The following MYT1L variants were observed in gnomAD, a reference collection of about 807,000 sequenced individuals.
MYT1L encodes myelin transcription factor 1 like.
A neutral mutation model predicts 126.7 loss-of-function variants in MYT1L; 12 were observed. The observed-to-expected ratio is 0.09, with a 90% CI of 0.06 to 0.15. The LOEUF is 0.15. MYT1L is among the 10% of genes least tolerant of loss of function. The pLI is 1.00. For missense variants in MYT1L, 979 were observed against 1,585.2 expected, an observed-to-expected ratio of 0.62 and a Z score of 6.49; for synonymous variants, 541 against 604.2, an observed-to-expected ratio of 0.90 and a Z score of 1.53.
In MYT1L at chr2:1,929,911, A is replaced by G. The variant is rs2054721582; in HGVS notation, c.506-6648T>C. Among the ~76,000 whole-genome samples, 1 of 152,138 alleles carries G rather than the reference A, an allele frequency of 6.6e-6. No individual in the cohort carries two copies. The highest frequency in any genetic ancestry group is 6.5e-5 in the Admixed American group (1 of 15,272). Reference sequence around the variant, plus strand: ...TCAAGCCTTTCCTCTACCTTTCAAAACCGGGACATATTCGGAGGGTCACAA... The same window carrying G: ...TCAAGCCTTTCCTCTACCTTTCAAAGCCGGGACATATTCGGAGGGTCACAA... On this transcript the variant is annotated intron_variant, in intron 9 of 24. Coordinates refer to ENST00000647738, the MANE Select transcript of MYT1L (RefSeq NM_001303052.2). This position sits in a 1 kb window ranked among gnomAD's most constrained non-coding sequence, Gnocchi z 4.7.
chr2:1,812,596 A>C (rs982888516), intron 21 of MYT1L, among the ~76,000 whole-genome samples: 5 of 152,108 alleles, frequency 3.3e-5, no homozygotes, highest in African/African-American at 1.2e-4. Flanking sequence ...GAAGACTCTT[A>C]GCCGGGCGCG....
At chr2:2,145,638 A>T (rs1269393209) in intron 3 of MYT1L, among the ~76,000 whole-genome samples, 2 of 145,052 alleles carry the variant, frequency 1.4e-5, no homozygotes, top group African/African-American at 2.6e-5. Flanking sequence ...ATACACACAC[A>T]CAAGACACAC....
Position 1,887,717 on chromosome 2 carries a change from T to C in MYT1L, c.2521-108A>G. ...GGCCTCTACATCTTACACCTCTTTCTGCTGTACCTTTAAGATCCTTTTGGT... is the reference window on the plus strand; with the variant it reads ...GGCCTCTACATCTTACACCTCTTTCCGCTGTACCTTTAAGATCCTTTTGGT... On this transcript the variant is annotated intron_variant, in intron 16 of 24. Transcript: ENST00000647738. The surrounding 1 kb of genome is among the most constrained non-coding windows in gnomAD (Gnocchi z 4.8). The C allele has an allele frequency of 7.6e-7, 1 of 1,309,784 alleles. No individual in the cohort carries two copies. The allele number at this position is 1,309,784 out of a possible 1,614,324, so 81.1% of individuals were successfully genotyped here. A position where few individuals can be genotyped will look rare whatever the true frequency, so the allele number is the denominator to read the frequency against.
At chr2:2,272,545 T>C (rs1277928699) in intron 2 of MYT1L, among the ~76,000 whole-genome samples, 1 of 152,172 alleles carries the variant, frequency 6.6e-6, no homozygotes, top group African/African-American at 2.4e-5. Flanking sequence ...TACACTTTAG[T>C]GTGTGCATGT....
At chr2:1,972,199 T>A (rs1413798657) in intron 8 of MYT1L, among the ~76,000 whole-genome samples, 1 of 152,214 alleles carries the variant, frequency 6.6e-6, no homozygotes, top group East Asian at 1.9e-4. Flanking sequence ...TACCCCATTG[T>A]ACAGCAGCCA....
chr2:2,232,724 G>A (rs2094190565), intron 2 of MYT1L, among the ~76,000 whole-genome samples: 1 of 152,214 alleles, frequency 6.6e-6, no homozygotes, highest in Non-Finnish European at 1.5e-5. Context: ...TAAGTTTAAG[G>A]ATGATGATAT....
intron 2 of MYT1L, among the ~76,000 whole-genome samples, chr2:2,266,924 G>A (rs779696961): frequency 2.6e-5 from 4 of 152,204 alleles, no homozygotes; most frequent in Non-Finnish European, 5.9e-5. Context: ...TTCCATTAAA[G>A]CTCTTTCCTT....
chr2:2,284,147 A>T lies in MYT1L; in HGVS notation c.-421+257T>A, dbSNP rs567465592. Reference sequence around the variant, plus strand: ...AGTTCATTTATGAAATATTTAGATTATAGGTGATGCTTTCATCAGTATAAA... The same window carrying T: ...AGTTCATTTATGAAATATTTAGATTTTAGGTGATGCTTTCATCAGTATAAA... On this transcript the variant is annotated intron_variant, in intron 2 of 24. Coordinates refer to ENST00000647738, the MANE Select transcript of MYT1L (RefSeq NM_001303052.2). Among the ~76,000 whole-genome samples the T allele has an allele frequency of 2.0e-5, 3 of 152,344 alleles. No individual in the cohort carries two copies. In the East Asian group the frequency reaches 5.8e-4, roughly 29 times the overall value.
chr2:2,153,631 A>C (rs917996897), intron 3 of MYT1L, among the ~76,000 whole-genome samples: 1 of 152,216 alleles, frequency 6.6e-6, no homozygotes, highest in African/African-American at 2.4e-5. Flanking sequence ...GACCATCAAA[A>C]GTAATTTTAA....
chr2:2,181,277 C>T (rs1428672673), intron 2 of MYT1L, among the ~76,000 whole-genome samples: 2 of 151,650 alleles, frequency 1.3e-5, no homozygotes, highest in East Asian at 1.9e-4. Context: ...TGTGTGTACC[C>T]GTGTGCGTGC....
At chr2:2,124,406 C>T (rs2081420826) in intron 3 of MYT1L, among the ~76,000 whole-genome samples, 1 of 152,096 alleles carries the variant, frequency 6.6e-6, no homozygotes, top group Non-Finnish European at 1.5e-5. Context: ...AGTGATTCTC[C>T]TTCCTCAGCC....
At chr2:1,837,887 CTCT>C (rs1380945557) in intron 21 of MYT1L, among the ~76,000 whole-genome samples, 5 of 117,400 alleles carry the variant, frequency 4.3e-5, no homozygotes, top group African/African-American at 2.4e-4. Context: ...ATTTCTCTCT[CTCT>C]TTTTTTTTTT....
At chr2:2,219,374 G>C (rs1280633620) in intron 2 of MYT1L, among the ~76,000 whole-genome samples, 2 of 152,184 alleles carry the variant, frequency 1.3e-5, no homozygotes. Flanking sequence ...GTAAAAAGTA[G>C]AGGTTCTTCT....
Position 2,241,489 on chromosome 2 carries a change from C to T in MYT1L, c.-421+42915G>A, listed in dbSNP as rs138103958. Among the ~76,000 whole-genome samples the T allele has an allele frequency of 2.6e-4, 39 of 152,344 alleles. No individual in the cohort carries two copies. In the East Asian group the frequency reaches 6.7e-3, roughly 26 times the overall value. ...GCTTTATGAGGCCAGGAACTCATTG[C>T]GGCCCTGCAGAAAACTCAGCTGGGA... On this transcript the variant is annotated intron_variant, in intron 2 of 24. Transcript: ENST00000647738.
chr2:1,839,067 C>T, intron 21 of MYT1L, 82 bp downstream of exon 21: 2 of 1,258,744 alleles, frequency 1.6e-6, no homozygotes, highest in Non-Finnish European at 2.2e-6. Context: ...GAAGCTGGCA[C>T]CTGCTGCCGT....
intron 4 of MYT1L, among the ~76,000 whole-genome samples, chr2:2,043,449 C>A (rs1338874436): frequency 6.6e-6 from 1 of 152,198 alleles, no homozygotes; most frequent in African/African-American, 2.4e-5. Flanking sequence ...TGCAGCCACA[C>A]CCTACAATGT....
chr2:1,954,280 T>C (rs1320010647), intron 8 of MYT1L, among the ~76,000 whole-genome samples: 1 of 152,206 alleles, frequency 6.6e-6, no homozygotes, highest in Non-Finnish European at 1.5e-5. Flanking sequence ...TAGCCACTGC[T>C]GCTGGCACTC....
chr2:2,266,007 G>A (rs2095120092), intron 2 of MYT1L, among the ~76,000 whole-genome samples: 1 of 152,138 alleles, frequency 6.6e-6, no homozygotes, highest in Non-Finnish European at 1.5e-5. Flanking sequence ...AATAGCTCCG[G>A]GTGCAGGTCT....
chr2:2,174,863 A>T (rs1007218877), intron 2 of MYT1L, among the ~76,000 whole-genome samples: 2 of 152,088 alleles, frequency 1.3e-5, no homozygotes, highest in Admixed American at 6.5e-5. Context: ...ATCTCTCTGA[A>T]GTTCAGGTTC....
Sources: allele counts gnomAD v4.1 joint callset (sites outside exome capture counted in the v4.1 genomes callset), GRCh38; gene constraint gnomAD v4.1.1; non-coding constraint Gnocchi (gnomAD v3.1); transcripts MANE v1.5; gene names NCBI Gene and HGNC (gene_info 2026-07-23, HGNC 2026-07-21).